GASK1B: variants seen among roughly 807,000 people sequenced by gnomAD.
The protein encoded by GASK1B is golgi associated kinase 1B, also known as Golgi-associated kinase 1B.
GASK1B carries 34 observed loss-of-function variants against 42.8 expected under a neutral mutation model. The ratio of observed to expected loss-of-function variants is 0.79; its 90% CI spans 0.60 to 1.06. The LOEUF (loss-of-function observed/expected upper bound fraction) is 1.06. Ranked by LOEUF, GASK1B falls within the 50% of genes least tolerant of loss-of-function variation. GASK1B has a pLI of 0.00. For synonymous variants in GASK1B, 262 were observed against 259.1 expected (o/e 1.01, Z -0.11); for missense variants, 686 against 661.0 (o/e 1.04, Z -0.42).
intron 3 of GASK1B, among the ~76,000 whole-genome samples, chr4:158,135,798 A>G (rs6814979): frequency 0.56 from 84,832 of 151,930 alleles, 24,284 homozygotes; most frequent in East Asian, 0.78. Context: ...GTAGGATTTC[A>G]GAGAAAAGCT....
At chr4:158,161,130 T>C (rs898658690) in intron 2 of GASK1B, among the ~76,000 whole-genome samples, 3 of 152,000 alleles carry the variant, frequency 2.0e-5, no homozygotes, top group Admixed American at 1.3e-4. Context: ...AATCATCCTA[T>C]GATTTGAAGA....
At chr4:158,143,386 G>T (rs1288171953) in intron 3 of GASK1B, among the ~76,000 whole-genome samples, 1 of 152,118 alleles carries the variant, frequency 6.6e-6, no homozygotes, top group East Asian at 1.9e-4. Context: ...AGTCTTTAGA[G>T]ATTTTATTTT....
chr4:158,126,944 G>A lies in GASK1B; in HGVS notation c.*463C>T, dbSNP rs960384691. The A allele has an allele frequency of 6.4e-6, 1 of 155,336 alleles. No individual in the cohort carries two copies. The highest frequency in any genetic ancestry group is 2.4e-5 in the African/African-American group (1 of 41,458). The allele number at this position is 155,336 out of a possible 1,614,324, so 9.6% of individuals were successfully genotyped here. Reference sequence around the variant, plus strand: ...TGTTCCAATGTAGAGTTGCCTCAGGGTAGTGTAGAGACTGCTCTATGTTAA... The same window carrying A: ...TGTTCCAATGTAGAGTTGCCTCAGGATAGTGTAGAGACTGCTCTATGTTAA... On this transcript the variant is annotated 3_prime_UTR_variant, in exon 5 of 5. Coordinates refer to ENST00000585682, the MANE Select transcript of GASK1B (RefSeq NM_001128424.2).
At chr4:158,146,373 A>T (rs902803013) in intron 3 of GASK1B, among the ~76,000 whole-genome samples, 1 of 152,116 alleles carries the variant, frequency 6.6e-6, no homozygotes, top group African/African-American at 2.4e-5. Context: ...AATTTAATAA[A>T]TAAAAATAAT....
chr4:158,133,730 C>T (rs1730771685), intron 3 of GASK1B, among the ~76,000 whole-genome samples: 1 of 152,196 alleles, frequency 6.6e-6, no homozygotes, highest in Non-Finnish European at 1.5e-5. Flanking sequence ...TTTTGAATCA[C>T]TCAACTGTCT....
chr4:158,134,049 C>G (rs2110935200), intron 3 of GASK1B, among the ~76,000 whole-genome samples: 1 of 152,306 alleles, frequency 6.6e-6, no homozygotes, highest in Non-Finnish European at 1.5e-5. Flanking sequence ...TTGCCCTTGT[C>G]TAGCAAGGGC....
intron 2 of GASK1B, chr4:158,168,613 G>A (rs1732322872): frequency 6.6e-6 from 1 of 152,146 alleles, no homozygotes; most frequent in Non-Finnish European, 1.5e-5. Context: ...AGGAAACTGA[G>A]GCATAAAGAG....
At chr4:158,141,516 G>T (rs990889200) in intron 3 of GASK1B, among the ~76,000 whole-genome samples, 3 of 151,130 alleles carry the variant, frequency 2.0e-5, no homozygotes, top group African/African-American at 7.3e-5. Context: ...AGAGAATGTG[G>T]TCTTAAAAGT....
At position 158,170,763 on chromosome 4, in the gene GASK1B, T is replaced by G. The variant is rs371556909; in HGVS notation, c.613A>C (p.Ile205Leu). 1 of 1,614,136 alleles carries G rather than the reference T, an allele frequency of 6.2e-7. No homozygotes were observed. ...GGGGCGCTCTCGCTGTAGATCCTAA[T>G]GTTGCTCTCCCTGGAGCTGGGCTGC... The part of the protein sequence containing the change: ...FLQPSSRESN[I>L]RIYSESAPSW... Residue 205 changes from isoleucine (I) to leucine (L), a missense_variant, in exon 2 of 5, where the codon ATT becomes CTT. Physicochemically the swap from Ile to Leu is conservative, Grantham distance 5 (BLOSUM62 2). Coordinates refer to ENST00000585682, the MANE Select transcript of GASK1B (RefSeq NM_001128424.2).
At chr4:158,140,874 T>C (rs1240881073) in intron 3 of GASK1B, among the ~76,000 whole-genome samples, 1 of 152,008 alleles carries the variant, frequency 6.6e-6, no homozygotes, top group East Asian at 1.9e-4. Flanking sequence ...GTCTAAAAAA[T>C]TCACCACAAG....
At position 158,127,494 on chromosome 4, in the gene GASK1B, C is replaced by G. The variant is rs998460273; in HGVS notation, c.1473G>C (p.Lys491Asn). The G allele has an allele frequency of 3.1e-6, 5 of 1,613,678 alleles. No individual in the cohort carries two copies. In the African/African-American group the frequency reaches 6.7e-5, roughly 22 times the overall value. Residue 491 changes from lysine (K) to asparagine (N), a missense_variant, in exon 5 of 5, where the codon AAG becomes AAC. Lys to Asn is a moderately conservative substitution (Grantham distance 94). Coordinates refer to ENST00000585682, the MANE Select transcript of GASK1B (RefSeq NM_001128424.2). ...ESQGGRQGIEKLIDVIEHRAK... is the reference protein window; with the variant it reads ...ESQGGRQGIENLIDVIEHRAK... ...CTCTGTGTTCTATTACATCGATAAGCTTTTCAATTCCTTGTCTACCTCCTT... is the reference window on the plus strand; with the variant it reads ...CTCTGTGTTCTATTACATCGATAAGGTTTTCAATTCCTTGTCTACCTCCTT...
At chr4:158,151,283 T>A (rs1462397996) in intron 3 of GASK1B, among the ~76,000 whole-genome samples, 1 of 151,932 alleles carries the variant, frequency 6.6e-6, no homozygotes. Context: ...TCATGAAAAA[T>A]TTGCGATAAA....
chr4:158,141,954 T>C, intron 3 of GASK1B, among the ~76,000 whole-genome samples: 1 of 33,546 alleles, frequency 3.0e-5, no homozygotes, highest in Admixed American at 4.2e-4. Context: ...TTTTTTTTTT[T>C]TGAGACGGAG....
chr4:158,130,731 T>C (rs995297040), intron 4 of GASK1B, 55 bp downstream of exon 4: 1 of 1,333,360 alleles, frequency 7.5e-7, no homozygotes, highest in African/African-American at 1.4e-5. Context: ...TCTCAGAACC[T>C]TGCTACTTAT....
chr4:158,144,064 T>C (rs1205245205), intron 3 of GASK1B, among the ~76,000 whole-genome samples: 2 of 152,210 alleles, frequency 1.3e-5, no homozygotes, highest in Non-Finnish European at 2.9e-5. Flanking sequence ...TGTTCCTTGA[T>C]ATCATAAGTA....
chr4:158,132,114 T>C (rs1730707435), intron 3 of GASK1B, among the ~76,000 whole-genome samples: 1 of 152,170 alleles, frequency 6.6e-6, no homozygotes. Flanking sequence ...CTGGGTAGAA[T>C]ATTAGTAAGT....
chr4:158,138,226 G>C (rs1007255737), intron 3 of GASK1B, among the ~76,000 whole-genome samples: 9 of 152,112 alleles, frequency 5.9e-5, no homozygotes, highest in African/African-American at 2.2e-4. Flanking sequence ...GGAGTCACCA[G>C]GCAAGCAACA....
intron 3 of GASK1B, among the ~76,000 whole-genome samples, chr4:158,154,672 A>T (rs1731690810): frequency 6.6e-6 from 1 of 152,236 alleles, no homozygotes; most frequent in Non-Finnish European, 1.5e-5. Flanking sequence ...AATACTACTG[A>T]TGCATAAAGA....
intron 2 of GASK1B, chr4:158,170,156 C>A: frequency 3.5e-6 from 5 of 1,424,718 alleles, no homozygotes; most frequent in Non-Finnish European, 4.8e-6. Flanking sequence ...CCTCATCATG[C>A]AAATTGCCGT....
Sources: allele counts gnomAD v4.1 joint callset (sites outside exome capture counted in the v4.1 genomes callset), GRCh38; gene constraint gnomAD v4.1.1; transcripts MANE v1.5; gene names NCBI Gene and HGNC (gene_info 2026-07-23, HGNC 2026-07-21).